Variants in ST6GALNAC3 observed in about 807,000 individuals in gnomAD.
The protein encoded by ST6GALNAC3 is ST6 N-acetylgalactosaminide alpha-2,6-sialyltransferase 3, also known as alpha-N-acetylgalactosaminide alpha-2,6-sialyltransferase 3.
ST6GALNAC3 carries 25 observed loss-of-function variants against 32.7 expected under a neutral mutation model. The ratio of observed to expected loss-of-function variants is 0.76; its 90% CI spans 0.56 to 1.07. The LOEUF (loss-of-function observed/expected upper bound fraction) is 1.07. ST6GALNAC3 is among the 50% of genes least tolerant of loss of function. ST6GALNAC3 has a pLI of 0.00. For missense variants in ST6GALNAC3, 355 were observed against 382.4 expected (o/e 0.93, Z 0.60); for synonymous variants, 129 against 133.1 (o/e 0.97, Z 0.21).
intron 2 of ST6GALNAC3, among the ~76,000 whole-genome samples, chr1:76,329,824 T>TTTA (rs1647154339): frequency 8.1e-6 from 1 of 124,192 alleles, no homozygotes; most frequent in Non-Finnish European, 1.7e-5. Context: ...TTATTTATTT[T>TTTA]TTGAGATGGA....
At chr1:76,280,508 T>G (rs1210847318) in intron 1 of ST6GALNAC3, among the ~76,000 whole-genome samples, 1 of 152,214 alleles carries the variant, frequency 6.6e-6, no homozygotes, top group Non-Finnish European at 1.5e-5. Context: ...CTATTTCAGC[T>G]GGGGTGAGCA....
At chr1:76,456,981 A>G (rs888683014) in intron 3 of ST6GALNAC3, among the ~76,000 whole-genome samples, 1 of 152,090 alleles carries the variant, frequency 6.6e-6, no homozygotes, top group African/African-American at 2.4e-5. Context: ...AATCTCCTTA[A>G]GCTGATAAGC....
At chr1:76,601,706 A>G (rs1241519791) in intron 3 of ST6GALNAC3, among the ~76,000 whole-genome samples, 1 of 152,214 alleles carries the variant, frequency 6.6e-6, no homozygotes, top group Admixed American at 6.5e-5. Flanking sequence ...GTTCAAAGGT[A>G]GATTTCCTGA....
chr1:76,332,578 G>A lies in ST6GALNAC3; in HGVS notation c.213+18579G>A, dbSNP rs116325099. On this transcript the variant is annotated intron_variant, in intron 2 of 4. Coordinates refer to ENST00000328299, the MANE Select transcript of ST6GALNAC3 (RefSeq NM_152996.4). ...TTTCACCATGTGTAGGTTATTCTAA[G>A]GGTTTCAGGTCTAATGGCATCCCCT... is the stretch of plus-strand genomic sequence containing the variant. Among the ~76,000 whole-genome samples the A allele has an allele frequency of 3.0e-3, 457 of 152,216 alleles. 4 individuals carry two copies. Among genetic ancestry groups the A allele is most frequent in the African/African-American group, 0.01 (425 of 41,536 alleles).
chr1:76,594,171 T>C (rs1171733157), intron 3 of ST6GALNAC3, among the ~76,000 whole-genome samples: 1 of 152,134 alleles, frequency 6.6e-6, no homozygotes, highest in Non-Finnish European at 1.5e-5. Context: ...TAAATATGCT[T>C]TTTTTAGGAG....
chr1:76,349,544 T>C (rs1648803536), intron 2 of ST6GALNAC3, among the ~76,000 whole-genome samples: 2 of 152,096 alleles, frequency 1.3e-5, no homozygotes, highest in South Asian at 4.1e-4. Flanking sequence ...TCCCCCTTGG[T>C]AAGGACTGGG....
At chr1:76,343,251 G>A (rs1417221121) in intron 2 of ST6GALNAC3, among the ~76,000 whole-genome samples, 2 of 152,078 alleles carry the variant, frequency 1.3e-5, no homozygotes, top group Non-Finnish European at 2.9e-5. Context: ...ATATTAATGT[G>A]TACATGTTAT....
chr1:76,552,007 G>C (rs955726839), intron 3 of ST6GALNAC3, among the ~76,000 whole-genome samples: 3 of 152,182 alleles, frequency 2.0e-5, no homozygotes, highest in African/African-American at 4.8e-5. Flanking sequence ...TGCTGCAGGT[G>C]GGGGAGGTCA....
chr1:76,292,552 T>C (rs910631648), intron 1 of ST6GALNAC3, among the ~76,000 whole-genome samples: 1 of 152,234 alleles, frequency 6.6e-6, no homozygotes, highest in Non-Finnish European at 1.5e-5. Flanking sequence ...GGCTTACTTG[T>C]TGCAATTTTT....
chr1:76,111,601 G>A (rs1647947811), intron 1 of ST6GALNAC3, among the ~76,000 whole-genome samples: 2 of 149,378 alleles, frequency 1.3e-5, no homozygotes, highest in Non-Finnish European at 3.0e-5. Flanking sequence ...CGCAGTGTTT[G>A]TGTCCCTGGG....
intron 1 of ST6GALNAC3, among the ~76,000 whole-genome samples, chr1:76,241,361 G>A (rs1248810294): frequency 6.6e-6 from 1 of 152,200 alleles, no homozygotes; most frequent in Non-Finnish European, 1.5e-5. Flanking sequence ...GGTGGAAAGT[G>A]AAGCAGAACC....
chr1:76,131,082 A>G (rs1649577062), intron 1 of ST6GALNAC3, among the ~76,000 whole-genome samples: 1 of 152,238 alleles, frequency 6.6e-6, no homozygotes, highest in Admixed American at 6.5e-5. Flanking sequence ...GAACAGATCC[A>G]CCAGCTGCTG....
chr1:76,610,330 T>A (rs904206208), intron 3 of ST6GALNAC3, among the ~76,000 whole-genome samples: 2 of 152,194 alleles, frequency 1.3e-5, no homozygotes, highest in African/African-American at 2.4e-5. Context: ...TAAACATGAT[T>A]GCTCTTTGCC....
chr1:76,456,928 C>A (rs1231025126), intron 3 of ST6GALNAC3, among the ~76,000 whole-genome samples: 2 of 152,116 alleles, frequency 1.3e-5, no homozygotes, highest in Non-Finnish European at 2.9e-5. Context: ...TGTTTGCAGA[C>A]AACATGACTG....
rs143984205 is a variant in ST6GALNAC3, at chr1:76,617,026, A to G, written c.624-10426A>G. 3.3e-5 allele frequency among the ~76,000 whole-genome samples: 5 copies of G among 152,324 alleles called. No homozygotes were observed. In the East Asian group the frequency reaches 9.7e-4, roughly 29 times the overall value. On this transcript the variant is annotated intron_variant, in intron 3 of 4. Transcript: ENST00000328299. ...TGATCCCAGCAGTACTGGAGCCCTA[A>G]GCAACAAGACTTGGAGACCTATCCT...
chr1:76,434,406 A>G lies in ST6GALNAC3; in HGVS notation c.623+21989A>G, dbSNP rs112016667. Among the ~76,000 whole-genome samples the G allele has an allele frequency of 8.1e-3, 1,232 of 152,340 alleles. 15 individuals are homozygous for G. Among genetic ancestry groups the G allele is most frequent in the African/African-American group, 0.024 (1,015 of 41,576 alleles). On this transcript the variant is annotated intron_variant, in intron 3 of 4. Transcript: ENST00000328299. The stretch of plus-strand genomic sequence containing the variant: ...ATATAAGCCCCTGTCCTAAAGAATC[A>G]AGCTCACATAGTATGACAAATCAGC...
At chr1:76,236,795 T>C (rs1656684528) in intron 1 of ST6GALNAC3, among the ~76,000 whole-genome samples, 1 of 152,226 alleles carries the variant, frequency 6.6e-6, no homozygotes, top group Non-Finnish European at 1.5e-5. Flanking sequence ...TGTATTGAGT[T>C]TGCATAATCA....
intron 1 of ST6GALNAC3, among the ~76,000 whole-genome samples, chr1:76,290,579 C>T (rs1660027836): frequency 6.6e-6 from 1 of 152,134 alleles, no homozygotes; most frequent in African/African-American, 2.4e-5. Flanking sequence ...ATCTTTACAG[C>T]AAAGGAGACT....
intron 3 of ST6GALNAC3, among the ~76,000 whole-genome samples, chr1:76,522,012 G>C (rs1370251807): frequency 6.6e-6 from 1 of 151,712 alleles, no homozygotes; most frequent in East Asian, 1.9e-4. Flanking sequence ...AGGAGGTGGA[G>C]GTTGCAGTGA....
Sources: allele counts gnomAD v4.1 joint callset (sites outside exome capture counted in the v4.1 genomes callset), GRCh38; gene constraint gnomAD v4.1.1; transcripts MANE v1.5; gene names NCBI Gene and HGNC (gene_info 2026-07-23, HGNC 2026-07-21).